The following SNX5 variants were observed in gnomAD, a reference collection of about 807,000 sequenced individuals.
SNX5 encodes sorting nexin 5, also known as sorting nexin-5.
SNX5 carries 31 observed loss-of-function variants against 53.9 expected under a neutral mutation model. The observed-to-expected ratio is 0.58, with a 90% CI of 0.43 to 0.78. The LOEUF (loss-of-function observed/expected upper bound fraction) is 0.78, where lower values mean the gene tolerates loss of function less well. SNX5 is among the 30% of genes least tolerant of loss of function. The pLI, the probability that SNX5 is intolerant of heterozygous loss-of-function variation, is 0.00. For missense variants in SNX5, 471 were observed against 478.8 expected (o/e 0.98, Z 0.15); for synonymous variants, 168 against 171.1 (o/e 0.98, Z 0.14).
chr20:17,952,542 T>C (rs774419578), intron 5 of SNX5, 45 bp downstream of exon 5: 2 of 1,580,054 alleles, frequency 1.3e-6, no homozygotes, highest in South Asian at 2.3e-5. Flanking sequence ...TTTGAAAGTA[T>C]AAACATTTGA....
Position 17,968,385 on chromosome 20 carries a change from T to TCCTCCTCCTGCTGCTGCAGC in SNX5, c.21_40dup (p.Asp14GlyfsTer12). ...CTGGGAGGACCTCACCTTGCTGCGG[T>TCCTCCTCCTGCTGCTGCAGC]CCTCCTCCTGCTGCTGCAGCAACTC... is the stretch of plus-strand genomic sequence containing the variant. On this transcript the variant is annotated frameshift_variant, in exon 1 of 13. Transcript: ENST00000377759. LOFTEE classifies it high-confidence loss of function. The TCCTCCTCCTGCTGCTGCAGC allele has an allele frequency of 7.8e-7, 1 of 1,282,274 alleles. No homozygotes were observed. The highest frequency in any genetic ancestry group is 9.9e-7 in the Non-Finnish European group (1 of 1,011,246). The allele number at this position is 1,282,274 out of a possible 1,614,324, so 79.4% of individuals were successfully genotyped here.
At chr20:17,954,322 A>C in intron 3 of SNX5, 1 of 603,596 alleles carries the variant, frequency 1.7e-6, no homozygotes, top group South Asian at 2.1e-5. Context: ...TTGCATATTC[A>C]CTTTGATGGC....
intron 1 of SNX5, among the ~76,000 whole-genome samples, chr20:17,967,386 C>T (rs985497139): frequency 1.3e-5 from 2 of 151,692 alleles, no homozygotes; most frequent in East Asian, 3.9e-4. Context: ...GTATAGAAAG[C>T]TCTATTTTAA....
At chr20:17,959,509 A>T (rs1392660823) in intron 1 of SNX5, among the ~76,000 whole-genome samples, 1 of 152,172 alleles carries the variant, frequency 6.6e-6, no homozygotes, top group Non-Finnish European at 1.5e-5. Context: ...CTAGGAAGGG[A>T]TTCAAGCAAA....
chr20:17,965,397 G>T (rs1239357029), intron 1 of SNX5, among the ~76,000 whole-genome samples: 1 of 152,188 alleles, frequency 6.6e-6, no homozygotes, highest in East Asian at 1.9e-4. Context: ...CGAATGAGGA[G>T]TTTACAGCTC....
At chr20:17,955,127 A>G (rs1016688195) in intron 3 of SNX5, among the ~76,000 whole-genome samples, 22 of 152,344 alleles carry the variant, frequency 1.4e-4, no homozygotes, top group South Asian at 8.3e-4. Flanking sequence ...GTAAGACTAA[A>G]GTCATTACAC....
At chr20:17,943,522 G>A (rs1600329400) in intron 11 of SNX5, 1 of 255,520 alleles carries the variant, frequency 3.9e-6, no homozygotes, top group East Asian at 1.0e-4. Flanking sequence ...CAGGGCTGGA[G>A]TATGGGTGGT....
In SNX5 at chr20:17,941,676, C is replaced by T. The variant is rs2039417962; in HGVS notation, c.*681G>A. The stretch of plus-strand genomic sequence containing the variant: ...AGACATACAACACACCGCCCTCACC[C>T]CCCAGCGGCCATTAGGGAGGGGGCT... On this transcript the variant is annotated 3_prime_UTR_variant, in exon 13 of 13. Coordinates refer to ENST00000377759, the MANE Select transcript of SNX5 (RefSeq NM_014426.4). 1 of 152,236 alleles carries T rather than the reference C, an allele frequency of 6.6e-6. No individual in the cohort carries two copies. 9.4% of individuals were successfully genotyped at this position (152,236 alleles called of 1,614,324 possible). A position where few individuals can be genotyped will look rare whatever the true frequency, so the allele number is the denominator to read the frequency against.
intron 10 of SNX5, 47 bp from the exon 11 acceptor site, chr20:17,947,692 C>G: frequency 6.6e-7 from 1 of 1,521,810 alleles, no homozygotes; most frequent in Non-Finnish European, 8.9e-7. Context: ...CTAAACCAGT[C>G]TAAAAAATAG....
chr20:17,968,318 C>T (rs1450117730), intron 1 of SNX5, 57 bp downstream of exon 1: 4 of 1,226,332 alleles, frequency 3.3e-6, no homozygotes, highest in Middle Eastern at 3.1e-4. Flanking sequence ...AAGAATGCAG[C>T]GACCCCGGAG....
chr20:17,950,218 A>C lies in SNX5; in HGVS notation c.716-11T>G. The C allele has an allele frequency of 1.9e-6, 3 of 1,614,160 alleles. No individual in the cohort carries two copies. Among genetic ancestry groups the C allele is most frequent in the Non-Finnish European group, 1.7e-6 (2 of 1,179,968 alleles). On this transcript the variant is annotated splice_polypyrimidine_tract_variant and intron_variant, in intron 7 of 12. Coordinates refer to ENST00000377759, the MANE Select transcript of SNX5 (RefSeq NM_014426.4). ...AGTCATCGGCAACATCTGCAGAAAC[A>C]AGGACAAGTCTTTTTATCCAAACAC...
chr20:17,953,872 C>T (rs2035307538), intron 4 of SNX5, 124 bp downstream of exon 4: 1 of 769,662 alleles, frequency 1.3e-6, no homozygotes, highest in Non-Finnish European at 2.2e-6. Flanking sequence ...GAAAACGACG[C>T]TAGGGACCTA....
At chr20:17,943,282 T>C (rs2039442422) in intron 11 of SNX5, 87 bp from the exon 12 acceptor site, 2 of 848,354 alleles carry the variant, frequency 2.4e-6, no homozygotes, top group African/African-American at 1.7e-5. Flanking sequence ...TTCTTACAAA[T>C]GGTCTCCAAT....
At chr20:17,953,882 A>T in intron 4 of SNX5, 114 bp downstream of exon 4, 1 of 847,570 alleles carries the variant, frequency 1.2e-6, no homozygotes, top group Non-Finnish European at 1.9e-6. Context: ...CTAGGGACCT[A>T]ATTAAACAGC....
chr20:17,950,276 G>A lies in SNX5; in HGVS notation c.715+15C>T. 4 of 1,608,962 alleles carry A rather than the reference G, an allele frequency of 2.5e-6. No homozygotes were observed. The highest frequency in any genetic ancestry group is 3.4e-6 in the Non-Finnish European group (4 of 1,175,356). ...CTCATCAGCAAAGCTCTGACTAGCG[G>A]TAAATGATATTTACTTTTATGAGAT... On this transcript the variant is annotated intron_variant, in intron 7 of 12. Transcript: ENST00000377759.
chr20:17,942,836 T>A, intron 12 of SNX5: 2 of 389,468 alleles, frequency 5.1e-6, no homozygotes, highest in Non-Finnish European at 4.6e-6. Flanking sequence ...GGCAGGTGGA[T>A]CACCTGAGGT....
At chr20:17,966,073 T>C (rs1429245792) in intron 1 of SNX5, among the ~76,000 whole-genome samples, 1 of 152,018 alleles carries the variant, frequency 6.6e-6, no homozygotes, top group Non-Finnish European at 1.5e-5. Context: ...AGGACAGATA[T>C]CATTCACCAA....
At chr20:17,951,424 T>C (rs962161220) in intron 6 of SNX5, 76 bp downstream of exon 6, 27 of 833,282 alleles carry the variant, frequency 3.2e-5, no homozygotes, top group Non-Finnish European at 5.3e-5. Context: ...TTCACAAGTA[T>C]CTCTTTCAAA....
Position 17,942,379 on chromosome 20 carries a change from A to G in SNX5, c.1193T>C (p.Ile398Thr). ...RNNVSLLQSC[I>T]DLFKNN The stretch of plus-strand genomic sequence containing the variant: ...ATATCAGTTATTCTTGAACAAGTCA[A>G]TACAGCTCTGCAAAAGGGAGACATT... Residue 398 changes from isoleucine (I) to threonine (T), a missense_variant, in exon 13 of 13, where the codon ATT becomes ACT. Ile to Thr is a moderately conservative substitution (Grantham distance 89). Transcript: ENST00000377759. 1.2e-6 allele frequency: 2 copies of G among 1,611,752 alleles called. No individual in the cohort carries two copies. Among genetic ancestry groups the G allele is most frequent in the Non-Finnish European group, 1.7e-6 (2 of 1,177,874 alleles).
Sources: allele counts gnomAD v4.1 joint callset (sites outside exome capture counted in the v4.1 genomes callset), GRCh38; gene constraint gnomAD v4.1.1; transcripts MANE v1.5; gene names NCBI Gene and HGNC (gene_info 2026-07-23, HGNC 2026-07-21).